Variants in SEZ6L observed in about 807,000 individuals in gnomAD.
The protein encoded by SEZ6L is seizure 6-like protein.
SEZ6L carries 37 observed loss-of-function variants against 106.2 expected under a neutral mutation model. The ratio of observed to expected loss-of-function variants is 0.35; its 90% CI spans 0.27 to 0.46. The LOEUF (loss-of-function observed/expected upper bound fraction) is 0.46, where lower values mean the gene tolerates loss of function less well. Ranked by LOEUF, SEZ6L falls within the 20% of genes least tolerant of loss-of-function variation. The probability of loss-of-function intolerance (pLI) is 1.00; values close to 1 mark genes in which losing one functional copy is unlikely to be tolerated. For synonymous variants in SEZ6L, 541 were observed against 570.4 expected, an observed-to-expected ratio of 0.95 and a Z score of 0.73; for missense variants, 1,172 against 1,332.8, an observed-to-expected ratio of 0.88 and a Z score of 1.88.
intron 1 of SEZ6L, among the ~76,000 whole-genome samples, chr22:26,270,214 C>T (rs545199873): frequency 2.0e-5 from 3 of 152,280 alleles, no homozygotes; most frequent in African/African-American, 4.8e-5. Flanking sequence ...GCCCAGTTAA[C>T]GCACACAGGG....
chr22:26,335,680 A>C (rs570264823), intron 9 of SEZ6L, among the ~76,000 whole-genome samples: 2 of 152,222 alleles, frequency 1.3e-5, no homozygotes, highest in African/African-American at 4.8e-5. Context: ...AACTAGACCC[A>C]GGAAACATAG....
intron 1 of SEZ6L, among the ~76,000 whole-genome samples, chr22:26,211,023 A>C (rs770594471): frequency 6.6e-6 from 1 of 152,094 alleles, no homozygotes; most frequent in African/African-American, 2.4e-5. Flanking sequence ...TATCAGCTCC[A>C]CTTCACTCAT....
chr22:26,250,405 A>G (rs2079533359), intron 1 of SEZ6L, among the ~76,000 whole-genome samples: 1 of 152,232 alleles, frequency 6.6e-6, no homozygotes, highest in Admixed American at 6.5e-5. Flanking sequence ...TCCCAGCACC[A>G]TTAATAAGAG....
intron 1 of SEZ6L, among the ~76,000 whole-genome samples, chr22:26,270,304 A>G (rs947068139): frequency 3.9e-5 from 6 of 152,170 alleles, no homozygotes; most frequent in African/African-American, 1.4e-4. Context: ...AACACTAGAC[A>G]AGTCACCTTT....
At chr22:26,237,405 T>C (rs2078987243) in intron 1 of SEZ6L, among the ~76,000 whole-genome samples, 1 of 152,164 alleles carries the variant, frequency 6.6e-6, no homozygotes, top group African/African-American at 2.4e-5. Context: ...AATCCAAAGA[T>C]GTCAGAGTGG....
At chr22:26,350,655 CT>C (rs1181293548) in intron 11 of SEZ6L, among the ~76,000 whole-genome samples, 3,665 of 130,354 alleles carry the variant, frequency 0.028, 87 homozygotes, top group African/African-American at 0.087. Context: ...AGTTAGGAAA[CT>C]TTTTTTTTTT....
At chr22:26,203,626 G>A (rs1163828705) in intron 1 of SEZ6L, among the ~76,000 whole-genome samples, 1 of 152,108 alleles carries the variant, frequency 6.6e-6, no homozygotes, top group African/African-American at 2.4e-5. Flanking sequence ...TGTATGCCAG[G>A]CATCATCTTC....
chr22:26,200,666 C>T (rs1273024735), intron 1 of SEZ6L, among the ~76,000 whole-genome samples: 1 of 152,180 alleles, frequency 6.6e-6, no homozygotes. Context: ...GCCACTGCTC[C>T]CAGTGTGCCA....
At chr22:26,260,817 A>G (rs1426711492) in intron 1 of SEZ6L, among the ~76,000 whole-genome samples, 1 of 152,216 alleles carries the variant, frequency 6.6e-6, no homozygotes, top group Non-Finnish European at 1.5e-5. Context: ...ACTGTCATCC[A>G]TAGTGGTTGT....
chr22:26,377,934 G>A (rs183691903), intron 16 of SEZ6L, among the ~76,000 whole-genome samples, 159 bp downstream of exon 16: 4 of 152,256 alleles, frequency 2.6e-5, no homozygotes, highest in Non-Finnish European at 2.9e-5. Flanking sequence ...AATGCTGGGA[G>A]AACCCAGCTC....
chr22:26,204,981 G>T (rs1159334646), intron 1 of SEZ6L, among the ~76,000 whole-genome samples: 1 of 152,258 alleles, frequency 6.6e-6, no homozygotes, highest in Non-Finnish European at 1.5e-5. Context: ...CACTTGGCTT[G>T]TCATGTGAAC....
At chr22:26,312,051 T>G in intron 8 of SEZ6L, 89 bp downstream of exon 8, 1 of 1,273,880 alleles carries the variant, frequency 7.9e-7, no homozygotes, top group Non-Finnish European at 1.1e-6. Flanking sequence ...TAGAGGCCTG[T>G]CCCCAGTTTT....
intron 10 of SEZ6L, among the ~76,000 whole-genome samples, chr22:26,341,395 A>G (rs986987454): frequency 3.9e-5 from 6 of 152,020 alleles, no homozygotes; most frequent in Non-Finnish European, 8.8e-5. Context: ...CTCATTCATT[A>G]CTAGCTCTAC....
intron 5 of SEZ6L, among the ~76,000 whole-genome samples, chr22:26,304,428 G>A (rs1038633118): frequency 4.9e-5 from 7 of 142,220 alleles, no homozygotes; most frequent in African/African-American, 1.8e-4. Flanking sequence ...AAGAAAGAAA[G>A]AAAAAGAAAG....
At chr22:26,344,370 C>T (rs537935609) in intron 10 of SEZ6L, among the ~76,000 whole-genome samples, 1 of 152,322 alleles carries the variant, frequency 6.6e-6, no homozygotes, top group East Asian at 1.9e-4. Flanking sequence ...GTAAGCAGTG[C>T]TTTTTGAGAA....
At chr22:26,242,981 T>C (rs2079189070) in intron 1 of SEZ6L, 1 of 152,080 alleles carries the variant, frequency 6.6e-6, no homozygotes, top group Non-Finnish European at 1.5e-5. Flanking sequence ...CTTCTGGAGG[T>C]TCTGAGGGCA....
intron 1 of SEZ6L, among the ~76,000 whole-genome samples, chr22:26,249,776 C>T (rs9625003): frequency 6.6e-6 from 1 of 152,188 alleles, no homozygotes; most frequent in African/African-American, 2.4e-5. Flanking sequence ...AATGGCTATA[C>T]TAATTTACAT....
intron 1 of SEZ6L, among the ~76,000 whole-genome samples, chr22:26,194,956 T>A (rs983326558): frequency 6.6e-6 from 1 of 152,170 alleles, no homozygotes; most frequent in Non-Finnish European, 1.5e-5. Context: ...CTGGTTGGGG[T>A]CAGCTTTATC....
chr22:26,268,996 C>T (rs1318617431), intron 1 of SEZ6L, among the ~76,000 whole-genome samples: 1 of 152,140 alleles, frequency 6.6e-6, no homozygotes, highest in Non-Finnish European at 1.5e-5. Flanking sequence ...ATAATTTCTC[C>T]CCTGCAAGGT....
Sources: gnomAD v4.1 joint callset for allele counts (sites outside exome capture counted in the v4.1 genomes callset) on GRCh38, gnomAD v4.1.1 for gene constraint, MANE v1.5 for transcripts, NCBI Gene and HGNC (gene_info 2026-07-23, HGNC 2026-07-21) for gene names.